Variants in AFAP1 observed in about 807,000 individuals in gnomAD.
AFAP1 encodes actin filament associated protein 1, also known as actin filament-associated protein 1.
A neutral mutation model predicts 93.9 loss-of-function variants in AFAP1; 75 were observed. That is an observed-to-expected ratio of 0.80 (90% CI 0.66 to 0.97). The LOEUF (loss-of-function observed/expected upper bound fraction) is 0.97, where lower values mean the gene tolerates loss of function less well. Among genes scored for constraint, AFAP1 ranks in the 50% least tolerant of loss-of-function variants. The probability of loss-of-function intolerance (pLI) is 0.00; values close to 1 mark genes in which losing one functional copy is unlikely to be tolerated. For missense variants in AFAP1, 1,201 were observed against 1,050.8 expected (o/e 1.14, Z -1.98); for synonymous variants, 517 against 430.7 (o/e 1.20, Z -2.48).
chr4:7,877,208 A>G (rs1480567344), intron 1 of AFAP1, among the ~76,000 whole-genome samples: 1 of 152,234 alleles, frequency 6.6e-6, no homozygotes, highest in Non-Finnish European at 1.5e-5. Context: ...CTAGCAGTAC[A>G]TTCTGCACAG....
intron 12 of AFAP1, among the ~76,000 whole-genome samples, chr4:7,782,961 T>C (rs893076866): frequency 6.6e-6 from 1 of 152,154 alleles, no homozygotes; most frequent in African/African-American, 2.4e-5. Context: ...TTTCCTAAAA[T>C]ACCAAAGATT....
intron 10 of AFAP1, among the ~76,000 whole-genome samples, chr4:7,796,253 G>GA (rs1560163649): frequency 2.6e-5 from 4 of 152,158 alleles, no homozygotes. Context: ...CTGGAGCAGG[G>GA]AAAAGTACAG....
At position 7,893,580 on chromosome 4, in the gene AFAP1, CA is replaced by C. The variant is rs11331784; in HGVS notation, c.-2-21501del. Among the ~76,000 whole-genome samples the C allele has an allele frequency of 8.6e-3, 917 of 106,218 alleles. 9 individuals are homozygous for C. Among genetic ancestry groups the C allele is most frequent in the African/African-American group, 0.03 (740 of 24,716 alleles). The allele number at this position is 106,218 out of a possible 152,430, so 69.7% of individuals were successfully genotyped here. On this transcript the variant is annotated intron_variant, in intron 1 of 17. Coordinates refer to ENST00000420658, the MANE Select transcript of AFAP1 (RefSeq NM_001134647.2). Reference sequence around the variant, plus strand: ...TGGGCGACAGAGTGGGACTCTGTCTCAAAAAAAAAAAAAAAAAAAGGTTAAG... The same window carrying C: ...TGGGCGACAGAGTGGGACTCTGTCTCAAAAAAAAAAAAAAAAAAGGTTAAG...
At chr4:7,903,379 G>A (rs552357377) in intron 1 of AFAP1, among the ~76,000 whole-genome samples, 54 of 152,308 alleles carry the variant, frequency 3.5e-4, no homozygotes, top group African/African-American at 1.2e-3. Flanking sequence ...TGACGCTAGC[G>A]TTACAAAGTG....
intron 1 of AFAP1, among the ~76,000 whole-genome samples, chr4:7,933,409 C>T (rs1236983014): frequency 6.6e-6 from 1 of 152,108 alleles, no homozygotes; most frequent in Non-Finnish European, 1.5e-5. Flanking sequence ...CCCATCTCTA[C>T]TAAAAATACA....
chr4:7,933,862 A>T (rs1721238156), intron 1 of AFAP1, among the ~76,000 whole-genome samples: 1 of 152,234 alleles, frequency 6.6e-6, no homozygotes. Flanking sequence ...ATTTTTGCCC[A>T]GTGACACCCA....
In AFAP1 at chr4:7,905,626, G is replaced by A. The variant is rs114205902; in HGVS notation, c.-2-33546C>T. ...TCACTTGTCATTTTCCAGATTTAAT[G>A]GCTCTGTTGGCCTTTCTCTCATTTA... On this transcript the variant is annotated intron_variant, in intron 1 of 17. Transcript: ENST00000420658. Among the ~76,000 whole-genome samples, 1,039 of 152,176 alleles carry A rather than the reference G, an allele frequency of 6.8e-3. 8 individuals carry two copies. Among genetic ancestry groups the A allele is most frequent in the African/African-American group, 0.022 (928 of 41,498 alleles).
At position 7,867,864 on chromosome 4, in the gene AFAP1, G is replaced by C. The variant is rs560282376; in HGVS notation, c.225+758C>G. 1.2e-3 allele frequency among the ~76,000 whole-genome samples: 184 copies of C among 152,212 alleles called. 1 individual carries two copies. Among genetic ancestry groups the C allele is most frequent in the African/African-American group, 4.2e-3 (173 of 41,532 alleles). ...GCACTGTGGCAGGCCCAGGCAGAGC[G>C]GGGGTGATCAAGAAACGGCCCTGCC... On this transcript the variant is annotated intron_variant, in intron 3 of 17. Transcript: ENST00000420658.
chr4:7,884,355 G>C (rs1338634336), intron 1 of AFAP1, among the ~76,000 whole-genome samples: 1 of 152,052 alleles, frequency 6.6e-6, no homozygotes, highest in Non-Finnish European at 1.5e-5. Flanking sequence ...ATTTTGTTTT[G>C]TTTTGTTTCT....
intron 15 of AFAP1, chr4:7,774,435 C>G (rs1715872609): frequency 2.8e-6 from 1 of 359,408 alleles, no homozygotes; most frequent in Non-Finnish European, 5.0e-6. Context: ...GGCCATCCTC[C>G]AGACAATCTC....
At chr4:7,895,546 A>G (rs1484551712) in intron 1 of AFAP1, among the ~76,000 whole-genome samples, 2 of 152,168 alleles carry the variant, frequency 1.3e-5, no homozygotes, top group Non-Finnish European at 2.9e-5. Flanking sequence ...CAAAGAAACC[A>G]AATCTGGCCT....
intron 1 of AFAP1, among the ~76,000 whole-genome samples, chr4:7,897,942 T>G (rs1718885867): frequency 6.6e-6 from 1 of 152,180 alleles, no homozygotes; most frequent in South Asian, 2.1e-4. Flanking sequence ...CCCATCCCAA[T>G]AACAGCATCT....
At chr4:7,781,316 T>A (rs1200073730) in intron 13 of AFAP1, 60 bp downstream of exon 13, 4 of 1,525,738 alleles carry the variant, frequency 2.6e-6, no homozygotes, top group Non-Finnish European at 3.5e-6. Flanking sequence ...GTTGCAAAAC[T>A]CTGTTGGAGC....
At position 7,761,520 on chromosome 4, in the gene AFAP1, G is replaced by C. The variant is rs576778795; in HGVS notation, c.*2245C>G. ...GGCTAAGGCCCACGTGACACTTTGC[G>C]TGCTGCTCACACTTCACCTGCCAGC... On this transcript the variant is annotated 3_prime_UTR_variant, in exon 18 of 18. Transcript: ENST00000420658. The C allele has an allele frequency of 2.0e-5, 3 of 152,252 alleles. No homozygotes were observed. Among genetic ancestry groups the C allele is most frequent in the Non-Finnish European group, 2.9e-5 (2 of 68,066 alleles). 9.4% of individuals were successfully genotyped at this position (152,252 alleles called of 1,614,324 possible). A position where few individuals can be genotyped will look rare whatever the true frequency, so the allele number is the denominator to read the frequency against.
At chr4:7,893,143 C>T (rs1441865858) in intron 1 of AFAP1, among the ~76,000 whole-genome samples, 2 of 152,200 alleles carry the variant, frequency 1.3e-5, no homozygotes, top group African/African-American at 4.8e-5. Context: ...TGGTCTATGG[C>T]TTTTTACACT....
chr4:7,892,543 A>C (rs1198264199), intron 1 of AFAP1, among the ~76,000 whole-genome samples: 1 of 152,212 alleles, frequency 6.6e-6, no homozygotes, highest in Non-Finnish European at 1.5e-5. Flanking sequence ...AGCAACTAAG[A>C]GAACAGACAT....
At chr4:7,849,666 G>A (rs1426026486) in intron 4 of AFAP1, among the ~76,000 whole-genome samples, 1 of 152,170 alleles carries the variant, frequency 6.6e-6, no homozygotes, top group Non-Finnish European at 1.5e-5. Context: ...GCTGTGTCTA[G>A]CGTTTTCAGA....
chr4:7,872,495 C>T (rs1419621098), intron 1 of AFAP1, among the ~76,000 whole-genome samples: 1 of 152,244 alleles, frequency 6.6e-6, no homozygotes, highest in East Asian at 1.9e-4. Flanking sequence ...CAGCTCTCTG[C>T]TTTTGCAAAG....
At chr4:7,925,001 G>A (rs888159974) in intron 1 of AFAP1, among the ~76,000 whole-genome samples, 9 of 151,908 alleles carry the variant, frequency 5.9e-5, no homozygotes, top group Admixed American at 3.9e-4. Context: ...AGCCTCCACC[G>A]GGAGCCGTTC....
Sources: allele counts gnomAD v4.1 joint callset (sites outside exome capture counted in the v4.1 genomes callset), GRCh38; gene constraint gnomAD v4.1.1; transcripts MANE v1.5; gene names NCBI Gene and HGNC (gene_info 2026-07-23, HGNC 2026-07-21).